AGAP3: variants seen among roughly 807,000 people sequenced by gnomAD.
The protein encoded by AGAP3 is arf-GAP with GTPase, ANK repeat and PH domain-containing protein 3.
A neutral mutation model predicts 96.9 loss-of-function variants in AGAP3; 24 were observed. That is an observed-to-expected ratio of 0.25 (90% CI 0.18 to 0.35). The LOEUF is 0.35. Ranked by LOEUF, AGAP3 falls within the 10% of genes least tolerant of loss-of-function variation. The pLI, the probability that AGAP3 is intolerant of heterozygous loss-of-function variation, is 1.00. For synonymous variants in AGAP3, 563 were observed against 536.1 expected, an observed-to-expected ratio of 1.05 and a Z score of -0.69; for missense variants, 876 against 1,254.2, an observed-to-expected ratio of 0.70 and a Z score of 4.55.
chr7:151,120,887 GCGA>G (rs761760818), intron 8 of AGAP3: 173 of 1,112,866 alleles, frequency 1.6e-4, no homozygotes, highest in Middle Eastern at 4.1e-4. Context: ...CTCCCAATGT[GCGA>G]CACACAGTGC....
At chr7:151,106,470 C>T (rs1317067431) in intron 1 of AGAP3, among the ~76,000 whole-genome samples, 1 of 152,096 alleles carries the variant, frequency 6.6e-6, no homozygotes, top group Non-Finnish European at 1.5e-5. Context: ...GCATGCAACA[C>T]CAGCCTCAGG....
intron 1 of AGAP3, among the ~76,000 whole-genome samples, chr7:151,101,851 C>T (rs926909206): frequency 1.3e-5 from 2 of 152,168 alleles, no homozygotes; most frequent in Non-Finnish European, 2.9e-5. Flanking sequence ...GAGAATCTGC[C>T]TCCCGTCCCT....
At chr7:151,111,540 T>G (rs1799284361) in intron 1 of AGAP3, among the ~76,000 whole-genome samples, 1 of 152,106 alleles carries the variant, frequency 6.6e-6, no homozygotes, top group Non-Finnish European at 1.5e-5. Flanking sequence ...ACCTCACACC[T>G]GCCCAGGGGT....
chr7:151,119,938 G>A (rs373883409), intron 7 of AGAP3, 49 bp from the exon 8 acceptor site: 56 of 1,597,904 alleles, frequency 3.5e-5, no homozygotes, highest in Non-Finnish European at 4.3e-5. Flanking sequence ...CCTGGTGCCC[G>A]TCCCGCCCCT....
Position 151,142,337 on chromosome 7 carries a change from G to T in AGAP3, c.2051-75G>T. 1 of 1,594,752 alleles carries T rather than the reference G, an allele frequency of 6.3e-7. No homozygotes were observed. Among genetic ancestry groups the T allele is most frequent in the Admixed American group, 1.7e-5 (1 of 59,666 alleles). The stretch of plus-strand genomic sequence containing the variant: ...CATCAGGGAGCAGGGAAGAGGGCAG[G>T]GAAGCCTTCCCTAGTTGTCCCGCGC... On this transcript the variant is annotated intron_variant, in intron 15 of 17. Transcript: ENST00000397238. The surrounding 1 kb of genome is among the most constrained non-coding windows in gnomAD (Gnocchi z 7.5).
Position 151,142,207 on chromosome 7 carries a change from C to T in AGAP3, c.2004C>T (p.Val668=). ...ACGCAGCTCTGGCTGTGCAGGCCGT[C>T]CGCACCGTCCGCGGCAACAGCTTTT... The part of the protein sequence containing the change: ...NQNAALAVQA[V]RTVRGNSFCI... The change falls in exon 15 of 18, where the codon GTC becomes GTT. Residue 668 remains valine, a synonymous_variant. Transcript: ENST00000397238. This position sits in a 1 kb window ranked among gnomAD's most constrained non-coding sequence, Gnocchi z 7.5. The T allele has an allele frequency of 6.2e-7, 1 of 1,613,700 alleles. No individual in the cohort carries two copies. Among genetic ancestry groups the T allele is most frequent in the African/African-American group, 1.3e-5 (1 of 75,044 alleles).
chr7:151,120,207 G>C, intron 8 of AGAP3, 62 bp downstream of exon 8: 2 of 1,517,934 alleles, frequency 1.3e-6, no homozygotes, highest in Non-Finnish European at 1.8e-6. Flanking sequence ...GCTGAGCGCC[G>C]AGCTCCCAGC....
rs753462151 is a variant in AGAP3, at chr7:151,117,359, G to C, written c.479-12G>C. On this transcript the variant is annotated splice_polypyrimidine_tract_variant and intron_variant, in intron 3 of 17. Coordinates refer to ENST00000397238, the MANE Select transcript of AGAP3 (RefSeq NM_031946.7). ...CTCCACACTTTGGACCTGACTGCGC[G>C]CTCTGTCCTAGGGGGGCGGTTTAAG... 3 of 1,613,958 alleles carry C rather than the reference G, an allele frequency of 1.9e-6. No homozygotes were observed. The highest frequency in any genetic ancestry group is 2.7e-5 in the African/African-American group (2 of 74,928).
chr7:151,120,266 T>G (rs931531656), intron 8 of AGAP3, 121 bp downstream of exon 8: 1 of 1,072,984 alleles, frequency 9.3e-7, no homozygotes, highest in Admixed American at 2.4e-5. Flanking sequence ...ACCTGCAGTC[T>G]CTCCCTCAGA....
At chr7:151,104,512 C>A (rs930129449) in intron 1 of AGAP3, among the ~76,000 whole-genome samples, 2 of 152,156 alleles carry the variant, frequency 1.3e-5, no homozygotes, top group Non-Finnish European at 2.9e-5. Context: ...AGGATCAAGA[C>A]AAATGAAAGA....
Position 151,142,964 on chromosome 7 carries a change from C to T in AGAP3, c.2273+330C>T, listed in dbSNP as rs537216964. Among the ~76,000 whole-genome samples, 12 of 152,174 alleles carry T rather than the reference C, an allele frequency of 7.9e-5. No individual in the cohort carries two copies. Among genetic ancestry groups the T allele is most frequent in the Non-Finnish European group, 1.5e-4 (10 of 68,020 alleles). ...GTGAGAGATAGGGGAGTGTGTGGCCCCCCAGTGCAGGCCCCCACCCGCTTT... is the reference window on the plus strand; with the variant it reads ...GTGAGAGATAGGGGAGTGTGTGGCCTCCCAGTGCAGGCCCCCACCCGCTTT... On this transcript the variant is annotated intron_variant, in intron 16 of 17. Transcript: ENST00000397238. This position sits in a 1 kb window ranked among gnomAD's most constrained non-coding sequence, Gnocchi z 7.5.
intron 1 of AGAP3, among the ~76,000 whole-genome samples, chr7:151,113,215 G>A (rs1799376355): frequency 6.6e-6 from 1 of 152,224 alleles, no homozygotes; most frequent in Admixed American, 6.5e-5. Flanking sequence ...GCTTCACTGA[G>A]TTGTGTTCTT....
At chr7:151,087,276 G>A in intron 1 of AGAP3, 1 of 616,600 alleles carries the variant, frequency 1.6e-6, no homozygotes. Flanking sequence ...TTGGGGTTGG[G>A]GGTTTTCTGC....
Position 151,118,148 on chromosome 7 carries a change from C to A in AGAP3, c.707-62C>A. ...ACACCTGCCCTTGGGCCAAATGCCC[C>A]CCACCACACTACCCCAGCTTCTCCG... is the stretch of plus-strand genomic sequence containing the variant. On this transcript the variant is annotated intron_variant, in intron 5 of 17. Transcript: ENST00000397238. The surrounding 1 kb of genome is among the most constrained non-coding windows in gnomAD (Gnocchi z 6.1). 1 of 1,552,748 alleles carries A rather than the reference C, an allele frequency of 6.4e-7. No homozygotes were observed. The highest frequency in any genetic ancestry group is 1.8e-5 in the Admixed American group (1 of 54,152).
chr7:151,114,594 C>A lies in AGAP3; in HGVS notation c.332-2199C>A. On this transcript the variant is annotated intron_variant, in intron 1 of 17. Transcript: ENST00000397238. The surrounding 1 kb of genome is among the most constrained non-coding windows in gnomAD (Gnocchi z 4.4). Reference sequence around the variant, plus strand: ...CGCCTCTCTCTCCGGGCTGGGCTGACTCCCGGCCTCTCCAGGTCTGGGCTT... The same window carrying A: ...CGCCTCTCTCTCCGGGCTGGGCTGAATCCCGGCCTCTCCAGGTCTGGGCTT... The A allele has an allele frequency of 3.8e-6, 2 of 521,464 alleles. No individual in the cohort carries two copies. Among genetic ancestry groups the A allele is most frequent in the Non-Finnish European group, 4.9e-6 (2 of 404,176 alleles). The allele number at this position is 521,464 out of a possible 1,614,324, so 32.3% of individuals were successfully genotyped here.
chr7:151,090,474 C>G (rs984762623), intron 1 of AGAP3: 2 of 151,836 alleles, frequency 1.3e-5, no homozygotes, highest in African/African-American at 2.4e-5. Flanking sequence ...TCACCCTTAC[C>G]CCACTCACTT....
At chr7:151,097,511 C>CT (rs1798652461) in intron 1 of AGAP3, among the ~76,000 whole-genome samples, 1 of 127,744 alleles carries the variant, frequency 7.8e-6, no homozygotes, top group Admixed American at 8.6e-5. Context: ...GAGTGAGACT[C>CT]TGTCTCAAAA....
chr7:151,110,151 C>T lies in AGAP3; in HGVS notation c.332-6642C>T, dbSNP rs148791726. ...TGTGACTTCTCTCAAAAGACTGGCC[C>T]AGCCAGGGCCCATCTCTCTTAGGCC... On this transcript the variant is annotated intron_variant, in intron 1 of 17. Transcript: ENST00000397238. Among the ~76,000 whole-genome samples the T allele has an allele frequency of 2.5e-3, 385 of 152,300 alleles. 1 individual carries two copies. The highest frequency in any genetic ancestry group is 4.5e-3 in the Non-Finnish European group (306 of 68,026).
At chr7:151,128,505 AC>A (rs1800272104) in intron 9 of AGAP3, 74 bp from the exon 10 acceptor site, 1 of 1,282,384 alleles carries the variant, frequency 7.8e-7, no homozygotes, top group Middle Eastern at 1.9e-4. Context: ...GCATTGCCTG[AC>A]GACATCGTGA....
Sources: allele counts gnomAD v4.1 joint callset (sites outside exome capture counted in the v4.1 genomes callset), GRCh38; gene constraint gnomAD v4.1.1; non-coding constraint Gnocchi (gnomAD v3.1); transcripts MANE v1.5; gene names NCBI Gene and HGNC (gene_info 2026-07-23, HGNC 2026-07-21).